GRHL2: variants seen among roughly 807,000 people sequenced by gnomAD.
GRHL2 encodes the protein grainyhead-like protein 2 homolog.
Under a neutral mutation model 83.8 loss-of-function variants are expected in GRHL2, and 21 were observed. That is an observed-to-expected ratio of 0.25 (90% CI 0.18 to 0.36). The LOEUF (loss-of-function observed/expected upper bound fraction) is 0.36, where lower values mean the gene tolerates loss of function less well. Among genes scored for constraint, GRHL2 ranks in the 10% least tolerant of loss-of-function variants. GRHL2 has a pLI of 1.00. For missense variants in GRHL2, 623 were observed against 781.8 expected, an observed-to-expected ratio of 0.80 and a Z score of 2.42; for synonymous variants, 280 against 278.9, an observed-to-expected ratio of 1.00 and a Z score of -0.04.
At chr8:101,511,066 A>G (rs1810453956) in intron 1 of GRHL2, among the ~76,000 whole-genome samples, 1 of 151,816 alleles carries the variant, frequency 6.6e-6, no homozygotes, top group Non-Finnish European at 1.5e-5. Flanking sequence ...GTGCCACTGC[A>G]CTCCGGCCTG....
intron 8 of GRHL2, among the ~76,000 whole-genome samples, chr8:101,604,317 C>T (rs527299260): frequency 4.9e-4 from 74 of 152,214 alleles, no homozygotes; most frequent in African/African-American, 1.6e-3. Context: ...TTCCTGGCAC[C>T]GAGCACTGCC....
downstream of GRHL2, among the ~76,000 whole-genome samples, chr8:101,673,370 T>C (rs200215738): frequency 4.1e-3 from 622 of 151,706 alleles, 4 homozygotes; most frequent in African/African-American, 0.013. Flanking sequence ...TACCAAGCAA[T>C]TGGAAAACAA....
At chr8:101,527,585 A>G (rs533921394) in intron 1 of GRHL2, among the ~76,000 whole-genome samples, 1 of 152,310 alleles carries the variant, frequency 6.6e-6, no homozygotes, top group Admixed American at 6.5e-5. Flanking sequence ...ATTCTTTCTT[A>G]GTGGCATACA....
intron 15 of GRHL2, 33 bp from the exon 16 acceptor site, chr8:101,666,554 CTT>C (rs1361591321): frequency 7.8e-7 from 1 of 1,286,752 alleles, no homozygotes; most frequent in African/African-American, 1.5e-5. Flanking sequence ...TTCACGGCGT[CTT>C]TGTTTTTCAC....
intron 14 of GRHL2, among the ~76,000 whole-genome samples, chr8:101,652,589 T>TGTGTG: frequency 1.6e-5 from 1 of 62,688 alleles, no homozygotes; most frequent in South Asian, 5.6e-4. Flanking sequence ...GTGTGGTGTC[T>TGTGTG]GTGTGTGTGT....
intron 1 of GRHL2, among the ~76,000 whole-genome samples, chr8:101,506,325 T>C (rs1810339331): frequency 6.6e-6 from 1 of 152,214 alleles, no homozygotes. Context: ...TAGAAACAAG[T>C]ATCTAGAAGA....
intron 8 of GRHL2, among the ~76,000 whole-genome samples, chr8:101,604,671 T>C (rs1184833445): frequency 6.6e-6 from 1 of 152,146 alleles, no homozygotes; most frequent in Non-Finnish European, 1.5e-5. Flanking sequence ...TTATTATACA[T>C]AAGATTAAAA....
At chr8:101,598,581 ATTTTTTTTTTTTT>A (rs61519476) in intron 7 of GRHL2, among the ~76,000 whole-genome samples, 7 of 117,638 alleles carry the variant, frequency 6.0e-5, no homozygotes, top group Non-Finnish European at 7.0e-5. Flanking sequence ...GGTCTCCTGA[ATTTTTTTTTTTTT>A]TTTTTTTTTT....
At chr8:101,522,955 G>A (rs550085010) in intron 1 of GRHL2, among the ~76,000 whole-genome samples, 1 of 151,504 alleles carries the variant, frequency 6.6e-6, no homozygotes, top group Non-Finnish European at 1.5e-5. Context: ...TGTCACCCAG[G>A]CTGGAGTGCA....
At chr8:101,562,101 G>A in intron 4 of GRHL2, 1 of 673,942 alleles carries the variant, frequency 1.5e-6, no homozygotes, top group Non-Finnish European at 2.8e-6. Flanking sequence ...TAAGATGGAT[G>A]TTTTGCTTTA....
At position 101,601,636 on chromosome 8, in the gene GRHL2, ATTTTATATTGCATTG is replaced by A. The variant is rs1354412170; in HGVS notation, c.1098+2498_1098+2512del. On this transcript the variant is annotated intron_variant, in intron 8 of 15. Transcript: ENST00000646743. ...GCTTTGAAAAATGGCAGTGGAGGAT[ATTTTATATTGCATTG>A]TTTTATATTGCAAAATTTTTTTAAC... is the stretch of plus-strand genomic sequence containing the variant. Among the ~76,000 whole-genome samples the A allele has an allele frequency of 2.6e-5, 4 of 152,190 alleles. No homozygotes were observed. The East Asian group carries it at 7.7e-4, about 29-fold the overall frequency.
chr8:101,514,368 T>C (rs1017904989), intron 1 of GRHL2, among the ~76,000 whole-genome samples: 2 of 152,162 alleles, frequency 1.3e-5, no homozygotes, highest in African/African-American at 4.8e-5. Flanking sequence ...AGGTTAAACA[T>C]GCGAGGATCT....
chr8:101,558,566 C>G lies in GRHL2; in HGVS notation c.432C>G (p.Pro144=), dbSNP rs756526962. ...GGGAACAGTACAGCATCAGCTTCCC[C>G]GAGAGCTCTGCCATCATCCCGGTGT... is the stretch of plus-strand genomic sequence containing the variant. ...SKREQYSISF[P]ESSAIIPVSG... is the part of the protein sequence containing the mutation. Residue 144 remains proline, a synonymous_variant, in exon 4 of 16, where the codon CCC becomes CCG. Transcript: ENST00000646743. 1 of 1,614,108 alleles carries G rather than the reference C, an allele frequency of 6.2e-7. No homozygotes were observed. The highest frequency in any genetic ancestry group is 8.5e-7 in the Non-Finnish European group (1 of 1,180,026).
intron 1 of GRHL2, among the ~76,000 whole-genome samples, chr8:101,533,442 C>A (rs1224307957): frequency 6.6e-6 from 1 of 152,096 alleles, no homozygotes; most frequent in African/African-American, 2.4e-5. Flanking sequence ...AATTGACTAC[C>A]AAGTATGTCG....
intron 8 of GRHL2, among the ~76,000 whole-genome samples, chr8:101,613,485 G>A (rs1420010201): frequency 6.6e-6 from 1 of 150,876 alleles, no homozygotes; most frequent in Non-Finnish European, 1.5e-5. Flanking sequence ...CAAGCACAGA[G>A]AGAAGATATT....
chr8:101,672,102 G>GA (rs573460336), downstream of GRHL2, among the ~76,000 whole-genome samples: 25 of 151,718 alleles, frequency 1.6e-4, 2 homozygotes, highest in South Asian at 3.8e-3. Context: ...CAAAGATGGG[G>GA]AAAAAACAGA....
chr8:101,618,345 C>T (rs1812896035), intron 8 of GRHL2, among the ~76,000 whole-genome samples: 1 of 152,110 alleles, frequency 6.6e-6, no homozygotes, highest in African/African-American at 2.4e-5. Flanking sequence ...CCTGGAGTTT[C>T]CATTTTTTTG....
intron 1 of GRHL2, among the ~76,000 whole-genome samples, chr8:101,535,053 A>G (rs960088951): frequency 6.6e-6 from 1 of 152,198 alleles, no homozygotes; most frequent in Non-Finnish European, 1.5e-5. Context: ...TAAGATCCAG[A>G]CAGGTTGAAT....
At position 101,543,184 on chromosome 8, in the gene GRHL2, G is replaced by A. The variant is rs890388714; in HGVS notation, c.21-57G>A. The stretch of plus-strand genomic sequence containing the variant: ...TAGTCATGTAATATGTATATTATTA[G>A]GGGTAAAAAATTTGCTCTCTCTGAA... On this transcript the variant is annotated intron_variant, in intron 1 of 15. Coordinates refer to ENST00000646743, the MANE Select transcript of GRHL2 (RefSeq NM_024915.4). 7 of 1,218,022 alleles carry A rather than the reference G, an allele frequency of 5.7e-6. No individual in the cohort carries two copies. The African/African-American group carries it at 7.5e-5, about 13-fold the overall frequency. 75.5% of individuals were successfully genotyped at this position (1,218,022 alleles called of 1,614,324 possible). A position where few individuals can be genotyped will look rare whatever the true frequency, so the allele number is the denominator to read the frequency against.
Sources: gnomAD v4.1 joint callset for allele counts (sites outside exome capture counted in the v4.1 genomes callset) on GRCh38, gnomAD v4.1.1 for gene constraint, MANE v1.5 for transcripts, NCBI Gene and HGNC (gene_info 2026-07-23, HGNC 2026-07-21) for gene names.